The following ANK3 variants were observed in gnomAD, a reference collection of about 807,000 sequenced individuals.
ANK3 encodes the protein ankyrin-3.
A neutral mutation model predicts 370.9 loss-of-function variants in ANK3; 57 were observed. The observed-to-expected ratio is 0.15, with a 90% confidence interval of 0.12 to 0.19. The LOEUF (loss-of-function observed/expected upper bound fraction) is 0.19, where lower values mean the gene tolerates loss of function less well. Ranked by LOEUF, ANK3 falls within the 10% of genes least tolerant of loss-of-function variation. The pLI is 1.00. For missense variants in ANK3, 4,439 were observed against 5,302.1 expected, an observed-to-expected ratio of 0.84 and a Z score of 5.06; for synonymous variants, 1,929 against 1,946.3, an observed-to-expected ratio of 0.99 and a Z score of 0.23.
chr10:60,305,877 T>C (rs911987707), intron 1 of ANK3, among the ~76,000 whole-genome samples: 1 of 152,180 alleles, frequency 6.6e-6, no homozygotes, highest in Non-Finnish European at 1.5e-5. Context: ...GGGACTCTGG[T>C]GGATGGACTG....
intron 1 of ANK3, among the ~76,000 whole-genome samples, chr10:60,362,344 C>T (rs1176563329): frequency 2.0e-5 from 3 of 152,176 alleles, no homozygotes; most frequent in East Asian, 1.9e-4. Context: ...CCTATTCAGA[C>T]ATAACCAAGA....
chr10:60,082,250 GA>G, intron 34 of ANK3, 74 bp from the exon 35 acceptor site: 1 of 1,314,496 alleles, frequency 7.6e-7, no homozygotes, highest in South Asian at 1.2e-5. Context: ...ATCAGGATAT[GA>G]AAAGGACTGA....
intron 2 of ANK3, among the ~76,000 whole-genome samples, chr10:60,429,431 T>G (rs958199796): frequency 1.3e-5 from 2 of 152,188 alleles, no homozygotes; most frequent in African/African-American, 4.8e-5. Flanking sequence ...ATAGGTACTC[T>G]TACCCCAAAT....
At chr10:60,680,472 G>T (rs1477072803) in intron 1 of ANK3, among the ~76,000 whole-genome samples, 3 of 152,152 alleles carry the variant, frequency 2.0e-5, no homozygotes, top group Non-Finnish European at 2.9e-5. Flanking sequence ...ATGCTCTCCT[G>T]GTTTTCTTCC....
At chr10:60,210,785 A>G (rs76419541) in intron 9 of ANK3, among the ~76,000 whole-genome samples, 1 of 152,182 alleles carries the variant, frequency 6.6e-6, no homozygotes, top group African/African-American at 2.4e-5. Context: ...AGAGGATTTG[A>G]GTGTGGTAAT....
chr10:60,491,152 T>C (rs77430401), intron 2 of ANK3, among the ~76,000 whole-genome samples: 19,573 of 152,254 alleles, frequency 0.13, 1,474 homozygotes, highest in African/African-American at 0.2. Context: ...TTTCATTCTA[T>C]GAATATAGCA....
intron 2 of ANK3, among the ~76,000 whole-genome samples, chr10:60,594,680 A>G (rs546673416): frequency 6.6e-6 from 1 of 152,278 alleles, no homozygotes; most frequent in South Asian, 2.1e-4. Flanking sequence ...CAAATTTTTT[A>G]TGAGTTTTGC....
At chr10:60,460,950 A>G (rs1299128958) in intron 2 of ANK3, among the ~76,000 whole-genome samples, 1 of 152,188 alleles carries the variant, frequency 6.6e-6, no homozygotes, top group African/African-American at 2.4e-5. Context: ...AAATAATTTC[A>G]CTTTGCAGAG....
chr10:60,073,863 C>G lies in ANK3; in HGVS notation c.7018G>C (p.Ala2340Pro). 6.2e-7 allele frequency: 1 copy of G among 1,613,642 alleles called. No homozygotes were observed. Among genetic ancestry groups the G allele is most frequent in the Non-Finnish European group, 8.5e-7 (1 of 1,180,014 alleles). Residue 2340 changes from alanine (A) to proline (P), a missense_variant, in exon 37 of 44, where the codon GCT becomes CCT. Physicochemically the swap from Ala to Pro is conservative, Grantham distance 27. Coordinates refer to ENST00000280772, the MANE Select transcript of ANK3 (RefSeq NM_020987.5). Reference sequence around the variant, plus strand: ...CTAATAATGACTTCAGTGGGCTCAGCTTGGTTACCTTTTTCGATGTGGACT... The same window carrying G: ...CTAATAATGACTTCAGTGGGCTCAGGTTGGTTACCTTTTTCGATGTGGACT... ...IEVHIEKGNQ[A>P]EPTEVIIRET...
chr10:60,441,257 AT>A (rs371088673), intron 2 of ANK3, among the ~76,000 whole-genome samples: 3 of 152,120 alleles, frequency 2.0e-5, no homozygotes, highest in Non-Finnish European at 4.4e-5. Context: ...TCCACTCCTG[AT>A]TTTAGAGATG....
In ANK3 at chr10:60,114,228, G is replaced by A. The variant is rs1255023438; in HGVS notation, c.2945C>T (p.Ser982Phe). The A allele has an allele frequency of 1.3e-6, 2 of 1,591,974 alleles. No individual in the cohort carries two copies. Among genetic ancestry groups the A allele is most frequent in the South Asian group, 1.1e-5 (1 of 88,668 alleles). ...AAGTGACATTTAGGTTACTTACCCA[G>A]AATGAATGGGGCTTGAAACAAGATT... ...NVNLVSSPIHSGFLVSFMVDA... is the reference protein window; with the variant it reads ...NVNLVSSPIHFGFLVSFMVDA... The change falls in exon 26 of 44, where the codon TCT (serine) becomes TTT (phenylalanine). Residue 982 changes from serine (S) to phenylalanine (F), a missense_variant. Ser to Phe is a radical substitution (Grantham distance 155, BLOSUM62 -2). Coordinates refer to ENST00000280772, the MANE Select transcript of ANK3 (RefSeq NM_020987.5).
intron 23 of ANK3, among the ~76,000 whole-genome samples, chr10:60,152,584 A>T (rs1014743957): frequency 1.3e-5 from 2 of 152,210 alleles, no homozygotes; most frequent in African/African-American, 4.8e-5. Context: ...ATTACTCTAA[A>T]TGCAATATAA....
intron 2 of ANK3, among the ~76,000 whole-genome samples, chr10:60,470,618 A>G (rs1008904276): frequency 3.3e-5 from 5 of 152,080 alleles, no homozygotes; most frequent in Non-Finnish European, 7.4e-5. Flanking sequence ...GTGGCTGGTC[A>G]GTGATAGGCA....
intron 1 of ANK3, among the ~76,000 whole-genome samples, chr10:60,689,754 C>CAAA (rs10676088): frequency 7.1e-4 from 77 of 108,288 alleles, no homozygotes; most frequent in African/African-American, 2.7e-3. Flanking sequence ...GACTTCATCT[C>CAAA]AAAAAAAAAA....
At chr10:60,300,236 T>G in intron 1 of ANK3, 1 of 846,466 alleles carries the variant, frequency 1.2e-6, no homozygotes, top group Non-Finnish European at 1.7e-6. Flanking sequence ...GCAACAAACA[T>G]TTTTTAAAAG....
intron 28 of ANK3, among the ~76,000 whole-genome samples, chr10:60,100,765 C>A (rs2091119843): frequency 6.6e-6 from 1 of 152,152 alleles, no homozygotes; most frequent in African/African-American, 2.4e-5. Flanking sequence ...TTCATATATA[C>A]TCAAAGCCTT....
chr10:60,242,819 G>A (rs959329235), intron 7 of ANK3, among the ~76,000 whole-genome samples: 8 of 152,006 alleles, frequency 5.3e-5, no homozygotes, highest in African/African-American at 1.9e-4. Context: ...AAGTACTATC[G>A]AATGTTTTTC....
In ANK3 at chr10:60,076,686, T is replaced by C. The variant is rs1022747836; in HGVS notation, c.4433-238A>G. On this transcript the variant is annotated intron_variant, in intron 36 of 43. Transcript: ENST00000280772. ...AACAACTAAATAAAAAACAGAGTAA[T>C]GTGAAATGAAAGAAAAAGCACATTG... Among the ~76,000 whole-genome samples the C allele has an allele frequency of 3.3e-5, 5 of 151,508 alleles. No homozygotes were observed. The South Asian group carries it at 1.0e-3, about 32-fold the overall frequency.
At chr10:60,476,805 G>A (rs916963688) in intron 2 of ANK3, among the ~76,000 whole-genome samples, 2 of 152,120 alleles carry the variant, frequency 1.3e-5, no homozygotes, top group Non-Finnish European at 2.9e-5. Context: ...CCTTTCATTT[G>A]TAAAATGAAG....
Sources: gnomAD v4.1 joint callset for allele counts (sites outside exome capture counted in the v4.1 genomes callset) on GRCh38, gnomAD v4.1.1 for gene constraint, MANE v1.5 for transcripts, NCBI Gene and HGNC (gene_info 2026-07-23, HGNC 2026-07-21) for gene names.